Variants in ULK4 observed in about 807,000 individuals in gnomAD.
ULK4 encodes the protein unc-51 like kinase 4.
In ULK4, 133 loss-of-function variants were observed where a neutral mutation model predicts 160.6. The ratio of observed to expected loss-of-function variants is 0.83; its 90% CI spans 0.72 to 0.96. The LOEUF (loss-of-function observed/expected upper bound fraction) is 0.96. Ranked by LOEUF, ULK4 falls within the 40% of genes least tolerant of loss-of-function variation. The probability of loss-of-function intolerance (pLI) is 0.00; values close to 1 mark genes in which losing one functional copy is unlikely to be tolerated. For synonymous variants in ULK4, 534 were observed against 539.8 expected, an observed-to-expected ratio of 0.99 and a Z score of 0.15; for missense variants, 1,580 against 1,499.5, an observed-to-expected ratio of 1.05 and a Z score of -0.89.
intron 35 of ULK4, among the ~76,000 whole-genome samples, chr3:41,268,802 T>TCA (rs761556124): frequency 2.6e-4 from 26 of 100,480 alleles, no homozygotes; most frequent in Admixed American, 6.5e-4. Context: ...AGACTCCGTC[T>TCA]CACACACACA....
chr3:41,839,275 G>A (rs1429727423), intron 17 of ULK4, among the ~76,000 whole-genome samples: 1 of 151,998 alleles, frequency 6.6e-6, no homozygotes, highest in African/African-American at 2.4e-5. Flanking sequence ...GGGAGGTGGA[G>A]GTTAGAGTGA....
intron 32 of ULK4, among the ~76,000 whole-genome samples, chr3:41,535,637 G>A (rs1486446274): frequency 6.6e-6 from 1 of 152,214 alleles, no homozygotes; most frequent in African/African-American, 2.4e-5. Context: ...CACAGTGGCA[G>A]GTGATCTGAG....
At chr3:41,940,029 GT>G (rs748668534) in intron 2 of ULK4, among the ~76,000 whole-genome samples, 51 of 145,474 alleles carry the variant, frequency 3.5e-4, no homozygotes, top group African/African-American at 9.0e-4. Context: ...AGTTTTTGTT[GT>G]TTTTTTTTTT....
chr3:41,825,916 C>G (rs897899771), intron 18 of ULK4, among the ~76,000 whole-genome samples: 1 of 152,162 alleles, frequency 6.6e-6, no homozygotes, highest in Non-Finnish European at 1.5e-5. Context: ...AGAGAAAGGT[C>G]GGGTTACCCA....
chr3:41,249,717 A>AC (rs1400715741), intron 35 of ULK4, 143 bp from the exon 36 acceptor site: 1 of 776,624 alleles, frequency 1.3e-6, no homozygotes, highest in African/African-American at 1.8e-5. Context: ...CTTGTCTGTA[A>AC]CCCCCATGCG....
rs1575995107 is a variant in ULK4 at position 41,943,590 on chromosome 3, A to G, written c.139-5393T>C. 2.0e-5 allele frequency among the ~76,000 whole-genome samples: 3 copies of G among 152,276 alleles called. No homozygotes were observed. The South Asian group carries it at 6.2e-4, about 32-fold the overall frequency. ...CCCAAGACAACCTGCTTTTCAAGTG[A>G]CCATTCACACCTCCTCTTTCCTCTC... On this transcript the variant is annotated intron_variant, in intron 2 of 36. Coordinates refer to ENST00000301831, the MANE Select transcript of ULK4 (RefSeq NM_017886.4).
chr3:41,834,295 T>A (rs1262509807), intron 18 of ULK4, among the ~76,000 whole-genome samples: 1 of 152,000 alleles, frequency 6.6e-6, no homozygotes, highest in Admixed American at 6.5e-5. Context: ...TATTAATATA[T>A]GTAAATACTA....
chr3:41,707,146 A>G (rs2036930937), intron 25 of ULK4, among the ~76,000 whole-genome samples: 1 of 152,154 alleles, frequency 6.6e-6, no homozygotes. Flanking sequence ...CCTAAATAGT[A>G]TATTGTTTGT....
At chr3:41,492,695 G>A (rs1435478439) in intron 32 of ULK4, among the ~76,000 whole-genome samples, 1 of 151,974 alleles carries the variant, frequency 6.6e-6, no homozygotes, top group African/African-American at 2.4e-5. Flanking sequence ...CTCATGTGCA[G>A]AGACACACAT....
At chr3:41,539,032 T>C (rs1404214426) in intron 32 of ULK4, among the ~76,000 whole-genome samples, 1 of 89,026 alleles carries the variant, frequency 1.1e-5, no homozygotes, top group African/African-American at 4.3e-5. Flanking sequence ...AATCTTTTTC[T>C]TAGTTTTTTT....
At chr3:41,726,845 A>C (rs752964617) in intron 22 of ULK4, among the ~76,000 whole-genome samples, 2 of 152,130 alleles carry the variant, frequency 1.3e-5, no homozygotes, top group African/African-American at 2.4e-5. Flanking sequence ...ATGGGGTTTC[A>C]CCATGTTGGC....
At chr3:41,903,931 G>A (rs1173390620) in intron 12 of ULK4, among the ~76,000 whole-genome samples, 1 of 149,224 alleles carries the variant, frequency 6.7e-6, no homozygotes, top group South Asian at 2.1e-4. Flanking sequence ...TGTATGAGAC[G>A]TATGAGGTTA....
chr3:41,412,331 G>A (rs1314001485), intron 34 of ULK4, among the ~76,000 whole-genome samples: 1 of 150,702 alleles, frequency 6.6e-6, no homozygotes, highest in African/African-American at 2.4e-5. Flanking sequence ...TTAACTTGAT[G>A]TTGTTCCCAA....
At chr3:41,658,415 C>T (rs1382744767) in intron 30 of ULK4, among the ~76,000 whole-genome samples, 2 of 152,124 alleles carry the variant, frequency 1.3e-5, no homozygotes, top group Non-Finnish European at 2.9e-5. Context: ...GTTTGGAAAT[C>T]GCTTGCTTAA....
At chr3:41,269,504 A>T (rs2079102309) in intron 35 of ULK4, among the ~76,000 whole-genome samples, 1 of 152,146 alleles carries the variant, frequency 6.6e-6, no homozygotes, top group South Asian at 2.1e-4. Flanking sequence ...TTAGGAGGCT[A>T]CAGTCCATTT....
intron 35 of ULK4, among the ~76,000 whole-genome samples, chr3:41,364,429 G>A (rs1043756263): frequency 1.3e-5 from 2 of 152,206 alleles, no homozygotes; most frequent in Non-Finnish European, 2.9e-5. Context: ...TAAGGCATCA[G>A]TATGTAAATA....
Position 41,616,241 on chromosome 3 carries a change from T to C in ULK4, c.3072-524A>G, listed in dbSNP as rs2032955819. ...AAATCTAGTTATCAATTGTCATCAA[T>C]TGTAATAGAAGAATTTTTTCATAAA... On this transcript the variant is annotated intron_variant, in intron 30 of 36. Transcript: ENST00000301831. Among the ~76,000 whole-genome samples the C allele has an allele frequency of 2.0e-5, 3 of 152,164 alleles. No individual in the cohort carries two copies. The South Asian group carries it at 6.2e-4, about 32-fold the overall frequency.
chr3:41,449,904 C>T (rs1212155818), intron 34 of ULK4, among the ~76,000 whole-genome samples: 5 of 147,776 alleles, frequency 3.4e-5, no homozygotes, highest in Non-Finnish European at 7.4e-5. Flanking sequence ...CACACTGATA[C>T]AAGTTGAGGA....
chr3:41,392,902 G>A (rs758525718), intron 35 of ULK4, among the ~76,000 whole-genome samples: 2 of 152,142 alleles, frequency 1.3e-5, no homozygotes, highest in Non-Finnish European at 2.9e-5. Flanking sequence ...CCAAGCCTGA[G>A]AGTTGGGTCT....
Sources: gnomAD v4.1 joint callset for allele counts (sites outside exome capture counted in the v4.1 genomes callset) on GRCh38, gnomAD v4.1.1 for gene constraint, MANE v1.5 for transcripts, NCBI Gene and HGNC (gene_info 2026-07-23, HGNC 2026-07-21) for gene names.